COQ5: variants seen among roughly 807,000 people sequenced by gnomAD.
The protein encoded by COQ5 is 2-methoxy-6-polyprenyl-1,4-benzoquinol methylase, mitochondrial.
In COQ5, 27 loss-of-function variants were observed where a neutral mutation model predicts 40.5. That is an observed-to-expected ratio of 0.67 (90% CI 0.49 to 0.92). The LOEUF (loss-of-function observed/expected upper bound fraction) is 0.92. Ranked by LOEUF, COQ5 falls within the 40% of genes least tolerant of loss-of-function variation. The pLI, the probability that COQ5 is intolerant of heterozygous loss-of-function variation, is 0.00. For synonymous variants in COQ5, 141 were observed against 150.0 expected, an observed-to-expected ratio of 0.94 and a Z score of 0.44; for missense variants, 409 against 406.4, an observed-to-expected ratio of 1.01 and a Z score of -0.06.
At chr12:120,523,465 A>G in intron 1 of COQ5, 1 of 330,122 alleles carries the variant, frequency 3.0e-6, no homozygotes, top group Admixed American at 3.4e-5. Context: ...TCCTCTCCAC[A>G]GCCTGCTCCC....
intron 1 of COQ5, chr12:120,522,657 A>G (rs1357695858): frequency 1.5e-6 from 1 of 657,472 alleles, no homozygotes; most frequent in South Asian, 1.8e-5. Context: ...GCAGACAGAG[A>G]TATCTACTCT....
At chr12:120,526,384 G>A in intron 1 of COQ5, 1 of 428,544 alleles carries the variant, frequency 2.3e-6, no homozygotes, top group Non-Finnish European at 4.6e-6. Flanking sequence ...GATGACTGTG[G>A]GAATATTGAC....
At chr12:120,505,907 G>A (rs547293183) in intron 4 of COQ5, among the ~76,000 whole-genome samples, 32 of 151,810 alleles carry the variant, frequency 2.1e-4, no homozygotes, top group Admixed American at 1.1e-3. Context: ...CCAGGCTAGA[G>A]TGCAATGGCA....
chr12:120,528,512 T>C (rs1565935926), intron 1 of COQ5, among the ~76,000 whole-genome samples: 1 of 152,022 alleles, frequency 6.6e-6, no homozygotes, highest in Non-Finnish European at 1.5e-5. Flanking sequence ...TATTCTGCTT[T>C]TAAAAAGGGG....
chr12:120,511,450 A>G (rs568442830), intron 3 of COQ5, among the ~76,000 whole-genome samples: 2 of 151,842 alleles, frequency 1.3e-5, no homozygotes, highest in Non-Finnish European at 2.9e-5. Context: ...AGTTACTACC[A>G]TTATCCTCAT....
chr12:120,516,741 T>C lies in COQ5; in HGVS notation c.400A>G (p.Arg134Gly), dbSNP rs770230892. The C allele has an allele frequency of 1.9e-6, 3 of 1,614,238 alleles. No homozygotes were observed. In the Admixed American group the frequency reaches 5.0e-5, roughly 27 times the overall value. The change falls in exon 3 of 7, where the codon AGA (arginine) becomes GGA (glycine). Residue 134 changes from arginine to glycine, a missense_variant. By Grantham distance (125) the Arg-to-Gly change is moderately radical (BLOSUM62 -2). Coordinates refer to ENST00000288532, the MANE Select transcript of COQ5 (RefSeq NM_032314.4). ...GCCCTTAACTGCCTCTTCTGTTTTC[T>C]CTGATGCTGGGACTGAACATAATTA... ...FLNYVQSQHQ[R>G]KQKRQLRAQQ...
chr12:120,515,622 C>T (rs1357476995), intron 3 of COQ5, among the ~76,000 whole-genome samples: 2 of 152,068 alleles, frequency 1.3e-5, no homozygotes, highest in African/African-American at 4.8e-5. Flanking sequence ...AGGGGAAACA[C>T]AGAGTAGACA....
intron 2 of COQ5, among the ~76,000 whole-genome samples, chr12:120,519,416 C>T (rs1176572346): frequency 1.3e-5 from 2 of 152,038 alleles, no homozygotes; most frequent in Non-Finnish European, 2.9e-5. Context: ...CAAAATCAGC[C>T]AGGCATGATG....
In COQ5 at chr12:120,504,017, TC is replaced by T. The variant is rs1360227730; in HGVS notation, c.834del (p.Trp278Ter). On this transcript the variant is annotated frameshift_variant, in exon 6 of 7. Coordinates refer to ENST00000288532, the MANE Select transcript of COQ5 (RefSeq NM_032314.4). LOFTEE classifies it high-confidence loss of function. ...PVLGEVIAGD[W>X]KSYQYLVESI... ...CTCTCTACAAGGTACTGATAGGACTTCCAGTCTCCAGCGATGACCTCTCCCA... is the reference window on the plus strand; with the variant it reads ...CTCTCTACAAGGTACTGATAGGACTTCAGTCTCCAGCGATGACCTCTCCCA... 3 of 1,613,848 alleles carry T rather than the reference TC, an allele frequency of 1.9e-6. No homozygotes were observed. The highest frequency in any genetic ancestry group is 2.5e-6 in the Non-Finnish European group (3 of 1,179,710).
intron 3 of COQ5, among the ~76,000 whole-genome samples, chr12:120,513,957 A>G (rs1489060681): frequency 6.6e-6 from 1 of 152,210 alleles, no homozygotes; most frequent in Non-Finnish European, 1.5e-5. Context: ...ACTATGGGGC[A>G]CTTAATAATT....
rs768929598 is a variant in COQ5 at position 120,503,701 on chromosome 12, T to C, written c.*83A>G. 1.0e-6 allele frequency: 1 copy of C among 960,078 alleles called. No homozygotes were observed. Among genetic ancestry groups the C allele is most frequent in the African/African-American group, 1.6e-5 (1 of 62,062 alleles). The allele number at this position is 960,078 out of a possible 1,614,324, so 59.5% of individuals were successfully genotyped here. A position where few individuals can be genotyped will look rare whatever the true frequency, so the allele number is the denominator to read the frequency against. On this transcript the variant is annotated 3_prime_UTR_variant, in exon 7 of 7. Coordinates refer to ENST00000288532, the MANE Select transcript of COQ5 (RefSeq NM_032314.4). ...GTATCCTTAAGAGGAGATGCTCTGC[T>C]GCTGTCTCATTTGCCAGATTATCCT... is the stretch of plus-strand genomic sequence containing the variant.
Position 120,504,901 on chromosome 12 carries a change from A to G in COQ5, c.764T>C (p.Ile255Thr), listed in dbSNP as rs1868810845. 1.2e-6 allele frequency: 2 copies of G among 1,613,836 alleles called. No homozygotes were observed. Among genetic ancestry groups the G allele is most frequent in the Non-Finnish European group, 1.7e-6 (2 of 1,179,858 alleles). The change falls in exon 5 of 7, where the codon ATA (isoleucine) becomes ACA (threonine). Residue 255 changes from isoleucine to threonine, a missense_variant. Transcript: ENST00000288532. Reference sequence around the variant, plus strand: ...CCCTATTAACAATGCCAACCTGGATATGAGGGGATTGTTCACTTGGCTAAA... The same window carrying G: ...CCCTATTAACAATGCCAACCTGGATGTGAGGGGATTGTTCACTTGGCTAAA... Reference protein sequence around the residue: ...LEFSQVNNPLISRLYDLYSFQ... With the variant: ...LEFSQVNNPLTSRLYDLYSFQ...
chr12:120,514,928 G>A (rs943588016), intron 3 of COQ5, among the ~76,000 whole-genome samples: 1 of 151,788 alleles, frequency 6.6e-6, no homozygotes, highest in African/African-American at 2.4e-5. Context: ...AAATAGCTGG[G>A]ATTACAGGCA....
intron 2 of COQ5, among the ~76,000 whole-genome samples, chr12:120,519,239 G>C (rs1356710958): frequency 6.6e-6 from 1 of 152,146 alleles, no homozygotes; most frequent in Non-Finnish European, 1.5e-5. Flanking sequence ...AATCTTTGTG[G>C]AAGTTTTTCT....
At chr12:120,508,027 C>T (rs1043251994) in intron 4 of COQ5, among the ~76,000 whole-genome samples, 15 of 152,000 alleles carry the variant, frequency 9.9e-5, no homozygotes, top group Non-Finnish European at 2.1e-4. Flanking sequence ...GGTGGAGTCT[C>T]ACTCTGTCGC....
chr12:120,529,040 G>C lies in COQ5; in HGVS notation c.102C>G (p.Pro34=). ...CQLLGLRSSW[P]GDLLSARLLS... Reference sequence around the variant, plus strand: ...AGAGCCGAGCACTTAGTAGGTCCCCGGGCCAAGAGCTACGAAGCCCGAGGA... The same window carrying C: ...AGAGCCGAGCACTTAGTAGGTCCCCCGGCCAAGAGCTACGAAGCCCGAGGA... The change falls in exon 1 of 7, where the codon CCC becomes CCG. Residue 34 remains proline (P), a synonymous_variant. Coordinates refer to ENST00000288532, the MANE Select transcript of COQ5 (RefSeq NM_032314.4). 6.2e-7 allele frequency: 1 copy of C among 1,614,096 alleles called. No individual in the cohort carries two copies. Among genetic ancestry groups the C allele is most frequent in the Non-Finnish European group, 8.5e-7 (1 of 1,180,014 alleles).
intron 4 of COQ5, among the ~76,000 whole-genome samples, chr12:120,508,373 TGA>T (rs1213232665): frequency 4.6e-5 from 7 of 151,446 alleles, no homozygotes; most frequent in African/African-American, 1.7e-4. Context: ...GGTGACAGAG[TGA>T]GAGTCCGTCT....
intron 1 of COQ5, chr12:120,524,086 C>A: frequency 3.9e-6 from 1 of 255,892 alleles, no homozygotes; most frequent in South Asian, 3.3e-5. Flanking sequence ...TGAGAAGAAC[C>A]TCAGGTACAA....
chr12:120,514,745 A>AAACAACAAC (rs375392327), intron 3 of COQ5, among the ~76,000 whole-genome samples: 31,102 of 147,774 alleles, frequency 0.21, 3,844 homozygotes, highest in East Asian at 0.39. Flanking sequence ...TCTGTCTCAG[A>AAACAACAAC]AACAACAACA....
Sources: allele counts gnomAD v4.1 joint callset (sites outside exome capture counted in the v4.1 genomes callset), GRCh38; gene constraint gnomAD v4.1.1; transcripts MANE v1.5; gene names NCBI Gene and HGNC (gene_info 2026-07-23, HGNC 2026-07-21).